ERBB4: variants seen among roughly 807,000 people sequenced by gnomAD.
ERBB4 encodes receptor tyrosine-protein kinase erbB-4.
A neutral mutation model predicts 158.0 loss-of-function variants in ERBB4; 42 were observed. The observed-to-expected ratio is 0.27, with a 90% CI of 0.21 to 0.34. The LOEUF is 0.34. Ranked by LOEUF, ERBB4 falls within the 10% of genes least tolerant of loss-of-function variation. The pLI, the probability that ERBB4 is intolerant of heterozygous loss-of-function variation, is 1.00. For missense variants in ERBB4, 1,333 were observed against 1,624.1 expected, an observed-to-expected ratio of 0.82 and a Z score of 3.08; for synonymous variants, 583 against 558.7, an observed-to-expected ratio of 1.04 and a Z score of -0.61.
intron 1 of ERBB4, among the ~76,000 whole-genome samples, chr2:212,452,716 T>C (rs938912681): frequency 6.6e-6 from 1 of 152,176 alleles, no homozygotes; most frequent in African/African-American, 2.4e-5. Context: ...GCTTACTCTG[T>C]ATAAGAATAG....
At chr2:211,539,094 C>A (rs1480271557) in intron 20 of ERBB4, among the ~76,000 whole-genome samples, 1 of 151,918 alleles carries the variant, frequency 6.6e-6, no homozygotes, top group East Asian at 1.9e-4. Context: ...TAACCTATAA[C>A]ATTTTTTGAA....
intron 2 of ERBB4, among the ~76,000 whole-genome samples, chr2:212,093,286 AT>A (rs1459808562): frequency 6.6e-6 from 1 of 152,222 alleles, no homozygotes; most frequent in East Asian, 1.9e-4. Flanking sequence ...ACATTAGGTC[AT>A]TTAAACTTAA....
intron 3 of ERBB4, among the ~76,000 whole-genome samples, chr2:211,897,043 A>C (rs1397560889): frequency 6.7e-6 from 1 of 150,280 alleles, no homozygotes; most frequent in African/African-American, 2.4e-5. Context: ...AATTATTATT[A>C]ATATTATACA....
Position 212,206,589 on chromosome 2 carries a change from C to CTTTTTTTTTTTTTTTTTTTT in ERBB4, c.83-81687_83-81686insAAAAAAAAAAAAAAAAAAAA, listed in dbSNP as rs5838309. ...ATGAACTGTCTCCGTCTGTTCTGTT[C>CTTTTTTTTTTTTTTTTTTTT]TTTTTTTTTTTTTTTTGAGACGGAG... On this transcript the variant is annotated intron_variant, in intron 1 of 27. Coordinates refer to ENST00000342788, the MANE Select transcript of ERBB4 (RefSeq NM_005235.3). Among the ~76,000 whole-genome samples the CTTTTTTTTTTTTTTTTTTTT allele has an allele frequency of 9.8e-4, 114 of 116,400 alleles. 15 individuals are homozygous for CTTTTTTTTTTTTTTTTTTTT. Among genetic ancestry groups the CTTTTTTTTTTTTTTTTTTTT allele is most frequent in the African/African-American group, 3.4e-3 (93 of 27,648 alleles). 76.4% of individuals were successfully genotyped at this position (116,400 alleles called of 152,430 possible). A position where few individuals can be genotyped will look rare whatever the true frequency, so the allele number is the denominator to read the frequency against.
chr2:212,319,615 CAT>C (rs1468430630), intron 1 of ERBB4, among the ~76,000 whole-genome samples: 1 of 150,208 alleles, frequency 6.7e-6, no homozygotes, highest in Non-Finnish European at 1.5e-5. Context: ...ATAAGTGAAA[CAT>C]TATTTGTTAC....
At chr2:212,461,557 T>C (rs1309304220) in intron 1 of ERBB4, among the ~76,000 whole-genome samples, 1 of 152,190 alleles carries the variant, frequency 6.6e-6, no homozygotes, top group Non-Finnish European at 1.5e-5. Context: ...TGGTTTCACA[T>C]GCTCATAGGT....
Position 211,378,918 on chromosome 2 carries a change from GT to G in ERBB4, c.*4696del, listed in dbSNP as rs1024251220. The stretch of plus-strand genomic sequence containing the variant: ...TTTTTTTTAACAACTAGAAGCTGAT[GT>G]TGTAGGATCAGCTCTAGGATCCTCT... On this transcript the variant is annotated 3_prime_UTR_variant, in exon 28 of 28. Transcript: ENST00000342788. The G allele has an allele frequency of 5.2e-5, 12 of 230,228 alleles. No individual in the cohort carries two copies. Among genetic ancestry groups the G allele is most frequent in the Admixed American group, 5.1e-4 (9 of 17,584 alleles). 14.3% of individuals were successfully genotyped at this position (230,228 alleles called of 1,614,324 possible).
chr2:212,095,025 G>A (rs1468115840), intron 2 of ERBB4, among the ~76,000 whole-genome samples: 1 of 151,572 alleles, frequency 6.6e-6, no homozygotes, highest in South Asian at 2.1e-4. Flanking sequence ...TCTTTTCTAC[G>A]TAAACATCAA....
chr2:211,646,559 C>A (rs2070787485), intron 16 of ERBB4, among the ~76,000 whole-genome samples: 1 of 151,530 alleles, frequency 6.6e-6, no homozygotes, highest in Admixed American at 6.6e-5. Context: ...CATATAAAAA[C>A]TGAAATAGGA....
chr2:211,504,961 C>T (rs180855536), intron 20 of ERBB4, among the ~76,000 whole-genome samples: 35 of 152,106 alleles, frequency 2.3e-4, no homozygotes, highest in African/African-American at 8.4e-4. Flanking sequence ...GAAAAGCAAC[C>T]AAACTGAAGA....
chr2:211,480,583 T>A (rs1363752983), intron 20 of ERBB4, among the ~76,000 whole-genome samples: 23 of 152,114 alleles, frequency 1.5e-4, no homozygotes, highest in Non-Finnish European at 1.5e-5. Flanking sequence ...TGTGAGTCAA[T>A]TGAACCTCTT....
chr2:211,489,856 C>A (rs1574594661), intron 20 of ERBB4, among the ~76,000 whole-genome samples: 1 of 151,976 alleles, frequency 6.6e-6, no homozygotes, highest in African/African-American at 2.4e-5. Flanking sequence ...AAATAGTGAT[C>A]AAGATATATA....
chr2:211,810,557 C>T (rs549935519), intron 3 of ERBB4, among the ~76,000 whole-genome samples: 117 of 151,972 alleles, frequency 7.7e-4, no homozygotes, highest in African/African-American at 2.6e-3. Flanking sequence ...GATCTTCCTC[C>T]GTCCCTTTAT....
intron 2 of ERBB4, among the ~76,000 whole-genome samples, chr2:212,028,466 A>G (rs1410892357): frequency 6.6e-6 from 1 of 152,086 alleles, no homozygotes; most frequent in Non-Finnish European, 1.5e-5. Context: ...CAGAAAGACA[A>G]ATTTTCTCAT....
chr2:211,886,785 C>T (rs2078812754), intron 3 of ERBB4, among the ~76,000 whole-genome samples: 1 of 152,206 alleles, frequency 6.6e-6, no homozygotes, highest in South Asian at 2.1e-4. Context: ...CACATGCAGA[C>T]TGTCCTATTA....
chr2:212,532,627 G>C (rs1389559517), intron 1 of ERBB4, among the ~76,000 whole-genome samples: 1 of 152,222 alleles, frequency 6.6e-6, no homozygotes, highest in African/African-American at 2.4e-5. Context: ...GAAGCAAGTA[G>C]TCTAATCCCA....
intron 4 of ERBB4, among the ~76,000 whole-genome samples, chr2:211,758,201 A>C (rs910209898): frequency 2.0e-5 from 3 of 152,192 alleles, no homozygotes; most frequent in African/African-American, 7.2e-5. Context: ...TCTATTTCCC[A>C]CCGAATGGAA....
At chr2:211,919,496 AT>A (rs1349663646) in intron 3 of ERBB4, among the ~76,000 whole-genome samples, 1 of 152,090 alleles carries the variant, frequency 6.6e-6, no homozygotes, top group African/African-American at 2.4e-5. Flanking sequence ...CAATGAAAGA[AT>A]GAATGGAAGA....
intron 20 of ERBB4, among the ~76,000 whole-genome samples, chr2:211,475,311 G>A (rs974464638): frequency 7.9e-5 from 12 of 151,948 alleles, no homozygotes; most frequent in Admixed American, 1.3e-4. Flanking sequence ...AAATTTCTGC[G>A]AGTTAATTGT....
Sources: allele counts gnomAD v4.1 joint callset (sites outside exome capture counted in the v4.1 genomes callset), GRCh38; gene constraint gnomAD v4.1.1; transcripts MANE v1.5; gene names NCBI Gene and HGNC (gene_info 2026-07-23, HGNC 2026-07-21).